EFL1: variants seen among roughly 807,000 people sequenced by gnomAD.
The protein encoded by EFL1 is elongation factor like GTPase 1.
Under a neutral mutation model 126.7 loss-of-function variants are expected in EFL1, and 76 were observed. The observed-to-expected ratio is 0.60, with a 90% CI of 0.50 to 0.73. The LOEUF (loss-of-function observed/expected upper bound fraction) is 0.73, where lower values mean the gene tolerates loss of function less well. Among genes scored for constraint, EFL1 ranks in the 30% least tolerant of loss-of-function variants. The probability of loss-of-function intolerance (pLI) is 0.00; values close to 1 mark genes in which losing one functional copy is unlikely to be tolerated. For synonymous variants in EFL1, 410 were observed against 448.4 expected (o/e 0.91, Z 1.08); for missense variants, 1,128 against 1,343.2 (o/e 0.84, Z 2.50).
At chr15:82,217,692 CT>C (rs757063041) in intron 14 of EFL1, among the ~76,000 whole-genome samples, 2 of 152,170 alleles carry the variant, frequency 1.3e-5, no homozygotes, top group Non-Finnish European at 2.9e-5. Context: ...AAAAGTGCCC[CT>C]CCCATGATGC....
intron 17 of EFL1, among the ~76,000 whole-genome samples, chr15:82,155,517 T>A (rs1444824906): frequency 6.6e-6 from 1 of 152,014 alleles, no homozygotes; most frequent in Non-Finnish European, 1.5e-5. Context: ...TAAAAATAAA[T>A]AAATAAATAA....
intron 15 of EFL1, among the ~76,000 whole-genome samples, chr15:82,181,165 T>C (rs2074247793): frequency 6.6e-6 from 1 of 152,210 alleles, no homozygotes; most frequent in South Asian, 2.1e-4. Context: ...TATGAGTCTA[T>C]TAGCAAATTT....
chr15:82,215,043 A>C (rs1377766641), intron 14 of EFL1, among the ~76,000 whole-genome samples, 188 bp from the exon 15 acceptor site: 1 of 152,230 alleles, frequency 6.6e-6, no homozygotes, highest in Non-Finnish European at 1.5e-5. Flanking sequence ...GAAATACTCA[A>C]ACTTCTCAAA....
At chr15:82,191,992 G>A (rs770245809) in intron 15 of EFL1, among the ~76,000 whole-genome samples, 13 of 151,996 alleles carry the variant, frequency 8.6e-5, no homozygotes, top group East Asian at 3.8e-4. Context: ...ATTATATCTC[G>A]TCTATCAAAT....
At position 82,262,638 on chromosome 15, in the gene EFL1, C is replaced by T. The variant is rs2075139421; in HGVS notation, c.-44G>A. On this transcript the variant is annotated 5_prime_UTR_variant, in exon 1 of 20. Transcript: ENST00000268206. ...CCGGCTGCAGCAGCCCCACCAGCCCCGCTCCTTCTCTCGGGTCGCACCCAC... is the reference window on the plus strand; with the variant it reads ...CCGGCTGCAGCAGCCCCACCAGCCCTGCTCCTTCTCTCGGGTCGCACCCAC... The T allele has an allele frequency of 4.3e-6, 2 of 468,892 alleles. No homozygotes were observed. Among genetic ancestry groups the T allele is most frequent in the South Asian group, 2.4e-5 (1 of 41,082 alleles). 29.0% of individuals were successfully genotyped at this position (468,892 alleles called of 1,614,324 possible).
At chr15:82,220,869 C>T (rs1200626448) in intron 12 of EFL1, among the ~76,000 whole-genome samples, 1 of 152,106 alleles carries the variant, frequency 6.6e-6, no homozygotes, top group Non-Finnish European at 1.5e-5. Flanking sequence ...AGTTTTAATA[C>T]TAAAAAGGTG....
At position 82,240,554 on chromosome 15, in the gene EFL1, G is replaced by A. The variant is rs1361602268; in HGVS notation, c.380C>T (p.Thr127Ile). The A allele has an allele frequency of 6.2e-7, 1 of 1,609,272 alleles. No individual in the cohort carries two copies. Among genetic ancestry groups the A allele is most frequent in the Non-Finnish European group, 8.5e-7 (1 of 1,178,856 alleles). Residue 127 changes from threonine (T) to isoleucine (I), a missense_variant and splice_region_variant, in exon 6 of 20, where the codon ACA becomes ATA. By Grantham distance (89) the Thr-to-Ile change is moderately conservative (BLOSUM62 -1). Transcript: ENST00000268206. ...VDAVEGVCPQ[T>I]QAVLRQAWLE... ...CCAAGCTTGTCGCAGAACTGCCTGT[G>A]TCTGATAAAAACAGAAAGAAAAATG...
intron 14 of EFL1, among the ~76,000 whole-genome samples, chr15:82,215,816 G>A (rs1231013365): frequency 6.6e-6 from 1 of 152,154 alleles, no homozygotes; most frequent in East Asian, 1.9e-4. Flanking sequence ...GTAGACTCTA[G>A]AAATTTCATG....
intron 15 of EFL1, among the ~76,000 whole-genome samples, chr15:82,197,294 T>C (rs1229766349): frequency 6.6e-6 from 1 of 152,218 alleles, no homozygotes; most frequent in Non-Finnish European, 1.5e-5. Flanking sequence ...TACCTTTGAT[T>C]TCCAAGCATA....
intron 7 of EFL1, among the ~76,000 whole-genome samples, chr15:82,234,038 T>TAGTATCTAAAAATGTCAAAAGTAAG (rs2074848585): frequency 6.6e-6 from 1 of 152,226 alleles, no homozygotes; most frequent in South Asian, 2.1e-4. Context: ...TATTGGCTGA[T>TAGTATCTAAAAATGTCAAAAGTAAG]AGTATCTAAA....
At position 82,231,002 on chromosome 15, in the gene EFL1, A is replaced by G. The variant is rs762265917; in HGVS notation, c.732-31T>C. Reference sequence around the variant, plus strand: ...AGAAGACCAAATGTTCATGTTATTAATAACAACGATTATTGATTTCTGTGA... The same window carrying G: ...AGAAGACCAAATGTTCATGTTATTAGTAACAACGATTATTGATTTCTGTGA... On this transcript the variant is annotated intron_variant, in intron 7 of 19. Transcript: ENST00000268206. The G allele has an allele frequency of 2.5e-6, 4 of 1,603,708 alleles. No homozygotes were observed. The African/African-American group carries it at 4.0e-5, about 16-fold the overall frequency.
At chr15:82,261,002 G>A (rs970288414) in intron 2 of EFL1, among the ~76,000 whole-genome samples, 3 of 152,178 alleles carry the variant, frequency 2.0e-5, no homozygotes, top group Non-Finnish European at 4.4e-5. Context: ...CATACCATGG[G>A]TTAGCTATCT....
intron 4 of EFL1, among the ~76,000 whole-genome samples, chr15:82,245,836 GAGGC>G (rs911642996): frequency 1.3e-5 from 2 of 151,788 alleles, no homozygotes; most frequent in Admixed American, 1.3e-4. Flanking sequence ...TCGGGAGGCT[GAGGC>G]AGGAGGACTG....
intron 9 of EFL1, among the ~76,000 whole-genome samples, chr15:82,228,723 T>G (rs2074790241): frequency 1.3e-5 from 2 of 152,208 alleles, no homozygotes; most frequent in African/African-American, 2.4e-5. Context: ...ATCAAGCACC[T>G]TTTCTACTTT....
intron 15 of EFL1, among the ~76,000 whole-genome samples, chr15:82,192,849 AAG>A (rs1221831407): frequency 6.6e-6 from 1 of 151,894 alleles, no homozygotes; most frequent in Non-Finnish European, 1.5e-5. Flanking sequence ...TAAAAAAAGA[AAG>A]AAAGAAAGAA....
At chr15:82,226,958 AAGG>A (rs199752662) in intron 11 of EFL1, among the ~76,000 whole-genome samples, 4 of 152,204 alleles carry the variant, frequency 2.6e-5, no homozygotes, top group Admixed American at 2.0e-4. Context: ...AAAGTGTTTC[AAGG>A]AGGAGTGATC....
intron 19 of EFL1, among the ~76,000 whole-genome samples, chr15:82,133,579 G>A (rs1215053171): frequency 1.3e-5 from 2 of 152,236 alleles, no homozygotes; most frequent in Non-Finnish European, 2.9e-5. Flanking sequence ...TAACATTGGG[G>A]AAGGAGGGGT....
chr15:82,176,335 AATATT>A (rs1189187338), intron 15 of EFL1, among the ~76,000 whole-genome samples: 1 of 152,224 alleles, frequency 6.6e-6, no homozygotes, highest in Non-Finnish European at 1.5e-5. Flanking sequence ...AAAATTGAAA[AATATT>A]AGATTATATT....
intron 15 of EFL1, among the ~76,000 whole-genome samples, chr15:82,205,706 T>C (rs1035174009): frequency 1.2e-4 from 18 of 152,228 alleles, no homozygotes; most frequent in African/African-American, 4.3e-4. Flanking sequence ...TTAAATGTCA[T>C]TTAAGAGTAA....
Sources: gnomAD v4.1 joint callset for allele counts (sites outside exome capture counted in the v4.1 genomes callset) on GRCh38, gnomAD v4.1.1 for gene constraint, MANE v1.5 for transcripts, NCBI Gene and HGNC (gene_info 2026-07-23, HGNC 2026-07-21) for gene names.